JMY: variants seen among roughly 807,000 people sequenced by gnomAD.
The protein encoded by JMY is junction mediating and regulatory protein, p53 cofactor.
In JMY, 46 loss-of-function variants were observed where a neutral mutation model predicts 103.3. That is an observed-to-expected ratio of 0.45 (90% CI 0.35 to 0.57). The LOEUF (loss-of-function observed/expected upper bound fraction) is 0.57. JMY is among the 20% of genes least tolerant of loss of function. JMY has a pLI of 0.00. For missense variants in JMY, 1,238 were observed against 1,255.2 expected, an observed-to-expected ratio of 0.99 and a Z score of 0.21; for synonymous variants, 526 against 489.3, an observed-to-expected ratio of 1.07 and a Z score of -0.99.
intron 6 of JMY, among the ~76,000 whole-genome samples, chr5:79,303,343 G>A (rs1454724781): frequency 2.6e-5 from 4 of 152,184 alleles, no homozygotes; most frequent in Non-Finnish European, 5.9e-5. Context: ...GATTGCAGGT[G>A]TGAGCCACTG....
At chr5:79,275,748 C>T (rs1745919902) in intron 1 of JMY, among the ~76,000 whole-genome samples, 1 of 152,154 alleles carries the variant, frequency 6.6e-6, no homozygotes, top group Admixed American at 6.5e-5. Flanking sequence ...TTAGTTTTAA[C>T]AGTAGCCTTA....
At chr5:79,317,186 T>G (rs1243111369) in intron 10 of JMY, among the ~76,000 whole-genome samples, 1 of 152,118 alleles carries the variant, frequency 6.6e-6, no homozygotes, top group East Asian at 1.9e-4. Context: ...TCTGGAAAAA[T>G]TGTTGCATTG....
Position 79,237,090 on chromosome 5 carries a change from A to C in JMY, c.440A>C (p.Lys147Thr), listed in dbSNP as rs1387210600. The change falls in exon 1 of 11, where the codon AAA (lysine) becomes ACA (threonine). Residue 147 changes from lysine to threonine, a missense_variant. Transcript: ENST00000396137. ...ESRLRSPVRA[K>T]PIPGQKTSEA... ...CGTCTTAGGAGCCCAGTGCGGGCCAAACCCATCCCGGGTCAGAAAACATCT... is the reference window on the plus strand; with the variant it reads ...CGTCTTAGGAGCCCAGTGCGGGCCACACCCATCCCGGGTCAGAAAACATCT... The C allele has an allele frequency of 6.5e-7, 1 of 1,547,164 alleles. No homozygotes were observed.
At chr5:79,264,198 A>G (rs1300698895) in intron 1 of JMY, among the ~76,000 whole-genome samples, 2 of 150,434 alleles carry the variant, frequency 1.3e-5, no homozygotes, top group Non-Finnish European at 3.0e-5. Flanking sequence ...TGATTCTTTC[A>G]CCTCAACCTC....
At chr5:79,239,480 C>T (rs1490037941) in intron 1 of JMY, among the ~76,000 whole-genome samples, 1 of 152,062 alleles carries the variant, frequency 6.6e-6, no homozygotes, top group Non-Finnish European at 1.5e-5. Flanking sequence ...ATGAATGGGC[C>T]TGTCTGATTG....
chr5:79,302,882 A>C (rs1440616856), intron 6 of JMY, among the ~76,000 whole-genome samples: 1 of 152,236 alleles, frequency 6.6e-6, no homozygotes, highest in Non-Finnish European at 1.5e-5. Flanking sequence ...GTGCCTGTGC[A>C]GGGTAAGAGA....
chr5:79,259,896 C>G (rs1745365752), intron 1 of JMY, among the ~76,000 whole-genome samples: 1 of 152,194 alleles, frequency 6.6e-6, no homozygotes, highest in Non-Finnish European at 1.5e-5. Context: ...TGTAGCCACC[C>G]CTGGGAGGGT....
At chr5:79,314,168 C>G in intron 8 of JMY, 89 bp from the exon 9 acceptor site, 3 of 1,517,316 alleles carry the variant, frequency 2.0e-6, no homozygotes, top group Non-Finnish European at 2.6e-6. Flanking sequence ...CACATAACAT[C>G]TTTTATTTGA....
chr5:79,284,259 A>G (rs1746204146), intron 2 of JMY: 15 of 1,511,882 alleles, frequency 9.9e-6, no homozygotes, highest in Admixed American at 1.7e-5. Flanking sequence ...TCCCAATTCA[A>G]ACTTGGGCTT....
chr5:79,290,381 C>T, intron 3 of JMY, 110 bp downstream of exon 3: 1 of 661,374 alleles, frequency 1.5e-6, no homozygotes, highest in Non-Finnish European at 2.2e-6. Context: ...CTCATAATCC[C>T]AGCAATTAGA....
chr5:79,317,186 T>A (rs1243111369), intron 10 of JMY, among the ~76,000 whole-genome samples: 2 of 152,118 alleles, frequency 1.3e-5, no homozygotes, highest in African/African-American at 4.8e-5. Flanking sequence ...TCTGGAAAAA[T>A]TGTTGCATTG....
chr5:79,251,068 ATTTT>A (rs895220449), intron 1 of JMY, among the ~76,000 whole-genome samples: 1 of 152,032 alleles, frequency 6.6e-6, no homozygotes, highest in Admixed American at 6.6e-5. Context: ...GTATATGCTG[ATTTT>A]TTTAACAAGC....
At chr5:79,286,412 G>A (rs148617363) in intron 2 of JMY, among the ~76,000 whole-genome samples, 9 of 152,238 alleles carry the variant, frequency 5.9e-5, no homozygotes, top group Non-Finnish European at 1.2e-4. Flanking sequence ...AGGCCGAGGT[G>A]GGCAAATCAC....
intron 7 of JMY, among the ~76,000 whole-genome samples, chr5:79,307,581 A>C (rs1029784564): frequency 2.0e-5 from 3 of 152,112 alleles, no homozygotes; most frequent in Non-Finnish European, 4.4e-5. Flanking sequence ...CTGGGACTAC[A>C]GGTATGGACT....
intron 1 of JMY, among the ~76,000 whole-genome samples, chr5:79,263,799 G>T (rs1032631485): frequency 6.7e-6 from 1 of 150,000 alleles, no homozygotes; most frequent in Admixed American, 6.6e-5. Flanking sequence ...CACCATGTCC[G>T]TCTTTTTTTT....
At chr5:79,315,614 CAA>C (rs1007068814) in intron 9 of JMY, among the ~76,000 whole-genome samples, 1 of 152,082 alleles carries the variant, frequency 6.6e-6, no homozygotes, top group Non-Finnish European at 1.5e-5. Context: ...CCATAATAAA[CAA>C]AAATTAATTT....
intron 4 of JMY, among the ~76,000 whole-genome samples, chr5:79,298,259 C>T (rs546020429): frequency 1.3e-5 from 2 of 152,264 alleles, no homozygotes; most frequent in East Asian, 3.9e-4. Context: ...CTGGTTTACA[C>T]TAAGGTTTTA....
intron 1 of JMY, among the ~76,000 whole-genome samples, chr5:79,239,695 T>TAGCTACTGG (rs1744673164): frequency 6.6e-6 from 1 of 151,620 alleles, no homozygotes; most frequent in Non-Finnish European, 1.5e-5. Context: ...CCTGTAGTCC[T>TAGCTACTGG]AGCTACTGGG....
In JMY at chr5:79,312,508, G is replaced by A. The variant is rs781525091; in HGVS notation, c.2064+10G>A. The A allele has an allele frequency of 7.5e-7, 1 of 1,329,472 alleles. No homozygotes were observed. The highest frequency in any genetic ancestry group is 1.0e-6 in the Non-Finnish European group (1 of 966,302). 82.4% of individuals were successfully genotyped at this position (1,329,472 alleles called of 1,614,324 possible). ...TCGAACATTTAAACAGGTATTAAAA[G>A]TAATGGTCCATTTATTGTTTTTCTT... is the stretch of plus-strand genomic sequence containing the variant. On this transcript the variant is annotated intron_variant, in intron 8 of 10. Coordinates refer to ENST00000396137, the MANE Select transcript of JMY (RefSeq NM_152405.5).
Sources: allele counts gnomAD v4.1 joint callset (sites outside exome capture counted in the v4.1 genomes callset), GRCh38; gene constraint gnomAD v4.1.1; transcripts MANE v1.5; gene names NCBI Gene and HGNC (gene_info 2026-07-23, HGNC 2026-07-21).